CSMD1: variants seen among roughly 807,000 people sequenced by gnomAD.
CSMD1 encodes the protein CUB and sushi domain-containing protein 1.
A neutral mutation model predicts 417.5 loss-of-function variants in CSMD1; 213 were observed. The observed-to-expected ratio is 0.51, with a 90% CI of 0.46 to 0.57. CSMD1 has a LOEUF of 0.57. Among genes scored for constraint, CSMD1 ranks in the 20% least tolerant of loss-of-function variants. The probability of loss-of-function intolerance (pLI) is 0.00; values close to 1 mark genes in which losing one functional copy is unlikely to be tolerated. For missense variants in CSMD1, 6,923 were observed against 4,529.7 expected (o/e 1.53, Z -15.17); for synonymous variants, 2,862 against 1,736.8 (o/e 1.65, Z -16.11).
chr8:3,986,161 C>G (rs964043211), intron 5 of CSMD1, among the ~76,000 whole-genome samples: 1 of 152,078 alleles, frequency 6.6e-6, no homozygotes, highest in Non-Finnish European at 1.5e-5. Context: ...ACCTTAAAGT[C>G]TCTCCAAAGA....
intron 26 of CSMD1, among the ~76,000 whole-genome samples, chr8:3,282,054 A>C (rs1437823935): frequency 1.3e-5 from 2 of 152,118 alleles, no homozygotes. Flanking sequence ...CCTCCCAGCC[A>C]TGCCTTCTGT....
At chr8:4,047,027 A>G (rs908870213) in intron 3 of CSMD1, among the ~76,000 whole-genome samples, 3 of 152,206 alleles carry the variant, frequency 2.0e-5, no homozygotes, top group Admixed American at 6.5e-5. Context: ...GGGTTGTGAC[A>G]TAGAGGGAAC....
intron 6 of CSMD1, among the ~76,000 whole-genome samples, chr8:3,729,377 G>C (rs1384331606): frequency 2.0e-5 from 3 of 152,128 alleles, no homozygotes; most frequent in African/African-American, 7.2e-5. Flanking sequence ...CTCGCCTTGG[G>C]CTCAGTTGTG....
chr8:3,274,506 C>T lies in CSMD1; in HGVS notation c.4153+9638G>A, dbSNP rs543855150. On this transcript the variant is annotated intron_variant, in intron 26 of 69. Transcript: ENST00000635120. ...CTTGTTGACTTTCTGTCTTGTTGAT[C>T]TGTCTAAAGTTGACAGTGGGGTGTT... Among the ~76,000 whole-genome samples the T allele has an allele frequency of 1.2e-4, 19 of 152,258 alleles. No homozygotes were observed. The East Asian group carries it at 3.5e-3, about 28-fold the overall frequency.
At chr8:3,317,988 T>C (rs1321016821) in intron 23 of CSMD1, among the ~76,000 whole-genome samples, 1 of 152,142 alleles carries the variant, frequency 6.6e-6, no homozygotes, top group Non-Finnish European at 1.5e-5. Context: ...TATTTGTATC[T>C]TTTGTAGAGA....
intron 2 of CSMD1, among the ~76,000 whole-genome samples, chr8:4,443,896 A>T (rs145001937): frequency 5.3e-5 from 8 of 152,212 alleles, no homozygotes; most frequent in East Asian, 1.9e-4. Flanking sequence ...TCATTTCATC[A>T]CATCTACAGG....
intron 6 of CSMD1, among the ~76,000 whole-genome samples, chr8:3,736,682 G>A (rs1037531847): frequency 6.6e-6 from 1 of 152,166 alleles, no homozygotes; most frequent in Non-Finnish European, 1.5e-5. Flanking sequence ...CTCAGCTTCC[G>A]CAGAATGGAG....
In CSMD1 at chr8:4,263,770, G is replaced by A. The variant is rs540134156; in HGVS notation, c.415+156183C>T. 3.3e-5 allele frequency among the ~76,000 whole-genome samples: 5 copies of A among 152,220 alleles called. No homozygotes were observed. The East Asian group carries it at 7.7e-4, about 23-fold the overall frequency. On this transcript the variant is annotated intron_variant, in intron 3 of 69. Coordinates refer to ENST00000635120, the MANE Select transcript of CSMD1 (RefSeq NM_033225.6). ...GTGTTCTAGCTGAAATAATAAAAAT[G>A]AAAATCTTTACTCCAATTGTGACTG...
intron 2 of CSMD1, among the ~76,000 whole-genome samples, chr8:4,446,755 C>CTGTGTGTGTGTGTGTGTGTCTGTG (rs1798825838): frequency 7.5e-6 from 1 of 133,020 alleles, no homozygotes; most frequent in African/African-American, 2.9e-5. Context: ...GTGTGTGTGT[C>CTGTGTGTGTGTGTGTGTGTCTGTG]TGTGTGTGTG....
chr8:4,299,488 A>G (rs1271525099), intron 3 of CSMD1, among the ~76,000 whole-genome samples: 3 of 152,226 alleles, frequency 2.0e-5, no homozygotes. Context: ...CTTACTCAAT[A>G]GCCATCATGT....
At chr8:4,735,218 A>T (rs1323442676) in intron 1 of CSMD1, among the ~76,000 whole-genome samples, 2 of 152,170 alleles carry the variant, frequency 1.3e-5, no homozygotes, top group African/African-American at 4.8e-5. Flanking sequence ...TGCTAATACC[A>T]AATGCGAGAG....
intron 9 of CSMD1, among the ~76,000 whole-genome samples, chr8:3,577,922 C>A (rs1800219349): frequency 6.6e-6 from 1 of 152,122 alleles, no homozygotes; most frequent in African/African-American, 2.4e-5. Flanking sequence ...TGTGTAGAGA[C>A]CTTATTAAAC....
chr8:4,302,723 T>C lies in CSMD1; in HGVS notation c.415+117230A>G, dbSNP rs533673916. 2.0e-5 allele frequency among the ~76,000 whole-genome samples: 3 copies of C among 152,282 alleles called. No individual in the cohort carries two copies. The South Asian group carries it at 6.2e-4, about 32-fold the overall frequency. On this transcript the variant is annotated intron_variant, in intron 3 of 69. Transcript: ENST00000635120. ...ATGTGCCGTGTTTTCAACACTCTTT[T>C]CTTCTCATTAAGTCATTTAGTTTTT...
At chr8:2,952,632 TC>T (rs1367317485) in intron 65 of CSMD1, among the ~76,000 whole-genome samples, 1 of 152,172 alleles carries the variant, frequency 6.6e-6, no homozygotes, top group Non-Finnish European at 1.5e-5. Context: ...ATCAGCAACC[TC>T]AAAATAACTT....
chr8:3,365,995 T>C (rs557330768), intron 20 of CSMD1, among the ~76,000 whole-genome samples: 1 of 152,296 alleles, frequency 6.6e-6, no homozygotes, highest in African/African-American at 2.4e-5. Context: ...ACTCAACTAT[T>C]GTGACACATA....
At chr8:4,355,919 G>T (rs571803367) in intron 3 of CSMD1, among the ~76,000 whole-genome samples, 9 of 152,052 alleles carry the variant, frequency 5.9e-5, no homozygotes, top group South Asian at 2.1e-4. Flanking sequence ...TGAATCAGCT[G>T]TTTTTTTGTT....
At chr8:4,177,065 C>T (rs1449834198) in intron 3 of CSMD1, among the ~76,000 whole-genome samples, 1 of 152,198 alleles carries the variant, frequency 6.6e-6, no homozygotes, top group Non-Finnish European at 1.5e-5. Flanking sequence ...GAACTCATCT[C>T]TGCACCAAGC....
At chr8:4,634,917 G>A (rs887833564) in intron 2 of CSMD1, among the ~76,000 whole-genome samples, 1 of 152,042 alleles carries the variant, frequency 6.6e-6, no homozygotes, top group Non-Finnish European at 1.5e-5. Flanking sequence ...TTTCCGATTT[G>A]TATTACAGTA....
intron 2 of CSMD1, among the ~76,000 whole-genome samples, chr8:4,570,870 G>C (rs1316819183): frequency 1.3e-5 from 2 of 152,040 alleles, no homozygotes; most frequent in African/African-American, 4.8e-5. Context: ...TTTAGTCTTG[G>C]GAGAGTATGT....
Sources: allele counts gnomAD v4.1 joint callset (sites outside exome capture counted in the v4.1 genomes callset), GRCh38; gene constraint gnomAD v4.1.1; transcripts MANE v1.5; gene names NCBI Gene and HGNC (gene_info 2026-07-23, HGNC 2026-07-21).